Variants in DLAT observed in about 807,000 individuals in gnomAD.
DLAT encodes dihydrolipoyllysine-residue acetyltransferase component of pyruvate dehydrogenase complex, mitochondrial.
DLAT carries 43 observed loss-of-function variants against 68.0 expected under a neutral mutation model. The observed-to-expected ratio is 0.63, with a 90% CI of 0.50 to 0.81. The LOEUF (loss-of-function observed/expected upper bound fraction) is 0.81, where lower values mean the gene tolerates loss of function less well. Among genes scored for constraint, DLAT ranks in the 40% least tolerant of loss-of-function variants. The pLI is 0.00. For synonymous variants in DLAT, 265 were observed against 288.6 expected, an observed-to-expected ratio of 0.92 and a Z score of 0.83; for missense variants, 745 against 815.4, an observed-to-expected ratio of 0.91 and a Z score of 1.05.
At position 112,025,773 on chromosome 11, in the gene DLAT, T is replaced by A. The variant is rs138422525; in HGVS notation, c.279+22T>A. ...GAAGGTGAGCCCTAGACCCCCCTTCTCGGGACCCCGTTGTCCTTCAGAGCT... is the reference window on the plus strand; with the variant it reads ...GAAGGTGAGCCCTAGACCCCCCTTCACGGGACCCCGTTGTCCTTCAGAGCT... On this transcript the variant is annotated intron_variant, in intron 1 of 13. Coordinates refer to ENST00000280346, the MANE Select transcript of DLAT (RefSeq NM_001931.5). The A allele has an allele frequency of 3.7e-6, 6 of 1,612,458 alleles. No homozygotes were observed. The African/African-American group carries it at 8.0e-5, about 21-fold the overall frequency.
At chr11:112,033,046 A>G (rs1317174752) in intron 4 of DLAT, among the ~76,000 whole-genome samples, 4 of 152,214 alleles carry the variant, frequency 2.6e-5, no homozygotes, top group Non-Finnish European at 5.9e-5. Flanking sequence ...CCTGGGGGAC[A>G]GAGCAAGACT....
At chr11:112,041,661 T>A (rs1298890088) in intron 7 of DLAT, among the ~76,000 whole-genome samples, 2 of 152,100 alleles carry the variant, frequency 1.3e-5, no homozygotes, top group Non-Finnish European at 2.9e-5. Flanking sequence ...GGCAGGTGGA[T>A]CACAGGTCAG....
chr11:112,045,071 G>C (rs1863235388), intron 8 of DLAT, 67 bp from the exon 9 acceptor site: 1 of 1,249,244 alleles, frequency 8.0e-7, no homozygotes, highest in East Asian at 2.3e-5. Context: ...GTCACTGGCA[G>C]TCTTTCCCAG....
chr11:112,063,987 C>G lies in DLAT; in HGVS notation c.*1452C>G. ...ATCTGTTTCTAAATATTCATTATTA[C>G]ATGGTACACAAGTGACACTCCATAT... On this transcript the variant is annotated 3_prime_UTR_variant, in exon 14 of 14. Transcript: ENST00000280346. The G allele has an allele frequency of 2.0e-6, 1 of 491,214 alleles. No homozygotes were observed. The highest frequency in any genetic ancestry group is 3.5e-6 in the Non-Finnish European group (1 of 288,356). The allele number at this position is 491,214 out of a possible 1,614,324, so 30.4% of individuals were successfully genotyped here. A position where few individuals can be genotyped will look rare whatever the true frequency, so the allele number is the denominator to read the frequency against.
intron 4 of DLAT, chr11:112,032,448 A>G (rs689018): frequency 6.6e-6 from 1 of 152,184 alleles, no homozygotes; most frequent in African/African-American, 2.4e-5. Flanking sequence ...AGGAATTTAC[A>G]AGAATACAAT....
intron 5 of DLAT, chr11:112,036,844 T>C (rs1555180558): frequency 5.8e-6 from 1 of 172,426 alleles, no homozygotes; most frequent in East Asian, 1.6e-4. Context: ...TAATTAGGCA[T>C]GTATGTGGTT....
intron 4 of DLAT, among the ~76,000 whole-genome samples, chr11:112,030,594 G>A (rs1555179879): frequency 1.3e-5 from 2 of 152,198 alleles, no homozygotes; most frequent in African/African-American, 4.8e-5. Flanking sequence ...ATACACATAT[G>A]TAATAGTGTT....
chr11:112,059,474 C>T (rs1424996827), intron 11 of DLAT, among the ~76,000 whole-genome samples: 5 of 151,846 alleles, frequency 3.3e-5, no homozygotes, highest in Non-Finnish European at 7.4e-5. Flanking sequence ...CTCACTGCAA[C>T]CTCCACCTCC....
At chr11:112,030,895 A>G (rs80176721) in intron 4 of DLAT, among the ~76,000 whole-genome samples, 1,786 of 152,292 alleles carry the variant, frequency 0.012, 22 homozygotes, top group African/African-American at 0.04. Context: ...ATTTTTTGCC[A>G]GGTGTTCAGT....
intron 10 of DLAT, among the ~76,000 whole-genome samples, chr11:112,049,024 G>GGCTAGA (rs1223563123): frequency 1.4e-5 from 2 of 139,990 alleles, no homozygotes; most frequent in African/African-American, 5.4e-5. Flanking sequence ...CTGTCACCCA[G>GGCTAGA]GCTAGAGTGC....
intron 11 of DLAT, among the ~76,000 whole-genome samples, chr11:112,054,680 T>G (rs1863893961): frequency 6.6e-6 from 1 of 152,218 alleles, no homozygotes; most frequent in African/African-American, 2.4e-5. Context: ...AACTGTATAG[T>G]TTTCCAGGGC....
At chr11:112,046,884 T>C (rs1212496022) in intron 10 of DLAT, among the ~76,000 whole-genome samples, 1 of 152,198 alleles carries the variant, frequency 6.6e-6, no homozygotes, top group African/African-American at 2.4e-5. Context: ...GGCATTTGGC[T>C]TGGTTCCAAG....
chr11:112,025,657 C>T lies in DLAT; in HGVS notation c.185C>T (p.Thr62Ile). ...GGGGTCCGGGCACTGTGCGGCTGGA[C>T]CCCCAGTTCTGGGGCCACGCCGCGG... ...YGGVRALCGW[T>I]PSSGATPRNR... Residue 62 changes from threonine (T) to isoleucine (I), a missense_variant, in exon 1 of 14, where the codon ACC becomes ATC. Thr to Ile is a moderately conservative substitution (Grantham distance 89). Coordinates refer to ENST00000280346, the MANE Select transcript of DLAT (RefSeq NM_001931.5). 2 of 1,613,142 alleles carry T rather than the reference C, an allele frequency of 1.2e-6. No individual in the cohort carries two copies. The highest frequency in any genetic ancestry group is 1.7e-6 in the Non-Finnish European group (2 of 1,179,978).
At chr11:112,034,810 G>A (rs1592673179) in intron 5 of DLAT, among the ~76,000 whole-genome samples, 2 of 148,846 alleles carry the variant, frequency 1.3e-5, no homozygotes, top group Admixed American at 1.4e-4. Flanking sequence ...GTTTTGCTCT[G>A]TCACCCAGGC....
At position 112,036,201 on chromosome 11, in the gene DLAT, G is replaced by GT. The variant is rs1167345612; in HGVS notation, c.788-1043dup. On this transcript the variant is annotated intron_variant, in intron 5 of 13. Coordinates refer to ENST00000280346, the MANE Select transcript of DLAT (RefSeq NM_001931.5). ...TGTGTGTGTGTGTGTGTGTGTGTGT[G>GT]TTTTTTTTTTTTTTTTTTTTTTTTT... is the stretch of plus-strand genomic sequence containing the variant. Among the ~76,000 whole-genome samples, 122 of 36,486 alleles carry GT rather than the reference G, an allele frequency of 3.3e-3. 14 individuals are homozygous for GT. Among genetic ancestry groups the GT allele is most frequent in the Non-Finnish European group, 5.4e-3 (107 of 19,684 alleles). 23.9% of individuals were successfully genotyped at this position (36,486 alleles called of 152,430 possible).
intron 11 of DLAT, among the ~76,000 whole-genome samples, chr11:112,054,487 G>T (rs1043551057): frequency 6.6e-6 from 1 of 152,096 alleles, no homozygotes; most frequent in East Asian, 1.9e-4. Flanking sequence ...AATTGCTTTA[G>T]GGAAGGCTAG....
chr11:112,039,190 C>T, intron 6 of DLAT, 54 bp from the exon 7 acceptor site: 20 of 1,571,440 alleles, frequency 1.3e-5, no homozygotes, highest in Non-Finnish European at 1.7e-5. Flanking sequence ...TTTAATCTTT[C>T]AGACCAGTCT....
At chr11:112,059,411 G>A (rs1864391017) in intron 11 of DLAT, among the ~76,000 whole-genome samples, 1 of 151,362 alleles carries the variant, frequency 6.6e-6, no homozygotes. Context: ...GCAGCGTTGG[G>A]GGATGGAGTC....
chr11:112,046,303 G>A (rs1863313494), intron 10 of DLAT, among the ~76,000 whole-genome samples: 1 of 152,116 alleles, frequency 6.6e-6, no homozygotes, highest in South Asian at 2.1e-4. Context: ...TAGGTGGTGT[G>A]AGATAGGAAT....
Sources: gnomAD v4.1 joint callset for allele counts (sites outside exome capture counted in the v4.1 genomes callset) on GRCh38, gnomAD v4.1.1 for gene constraint, MANE v1.5 for transcripts, NCBI Gene and HGNC (gene_info 2026-07-23, HGNC 2026-07-21) for gene names.